WDR75: variants seen among roughly 807,000 people sequenced by gnomAD.
The protein encoded by WDR75 is WD repeat-containing protein 75.
A neutral mutation model predicts 106.1 loss-of-function variants in WDR75; 52 were observed. That is an observed-to-expected ratio of 0.49 (90% CI 0.39 to 0.62). WDR75 has a LOEUF of 0.62. Among genes scored for constraint, WDR75 ranks in the 20% least tolerant of loss-of-function variants. The pLI, the probability that WDR75 is intolerant of heterozygous loss-of-function variation, is 0.00. For synonymous variants in WDR75, 333 were observed against 335.5 expected, an observed-to-expected ratio of 0.99 and a Z score of 0.08; for missense variants, 905 against 970.3, an observed-to-expected ratio of 0.93 and a Z score of 0.89.
In WDR75 at chr2:189,462,526, A is replaced by T; in HGVS notation, c.821A>T (p.Glu274Val). 6.2e-7 allele frequency: 1 copy of T among 1,614,082 alleles called. No homozygotes were observed. Among genetic ancestry groups the T allele is most frequent in the Non-Finnish European group, 8.5e-7 (1 of 1,179,990 alleles). ...LSGGRESVLV[E>V]WRDATEKNKE... The stretch of plus-strand genomic sequence containing the variant: ...GGCGGTCGTGAATCTGTACTTGTAG[A>T]GTGGCGCGATGCAACAGAGAAGAAT... The change falls in exon 9 of 21, where the codon GAG becomes GTG. Residue 274 changes from glutamate to valine, a missense_variant. By Grantham distance (121) the Glu-to-Val change is moderately radical. Coordinates refer to ENST00000314761, the MANE Select transcript of WDR75 (RefSeq NM_032168.3).
Position 189,467,549 on chromosome 2 carries a change from G to A in WDR75, c.1529G>A (p.Gly510Asp). ...ACTAACTGTTGTTTCTCCGAAGATG[G>A]TTCTTTACTAGCAGTTAGTTTTGAG... is the stretch of plus-strand genomic sequence containing the variant. ...QATNCCFSED[G>D]SLLAVSFEEI... The change falls in exon 14 of 21, where the codon GGT becomes GAT. Residue 510 changes from glycine to aspartate, a missense_variant. Physicochemically the swap from Gly to Asp is moderately conservative, Grantham distance 94. Transcript: ENST00000314761. 1 of 1,611,660 alleles carries A rather than the reference G, an allele frequency of 6.2e-7. No individual in the cohort carries two copies. The highest frequency in any genetic ancestry group is 8.5e-7 in the Non-Finnish European group (1 of 1,178,704).
intron 18 of WDR75, among the ~76,000 whole-genome samples, chr2:189,472,186 A>T (rs751220487): frequency 2.1e-4 from 32 of 152,222 alleles, no homozygotes; most frequent in Admixed American, 1.1e-3. Context: ...AGAGACAGTA[A>T]ACAACATGCA....
Position 189,465,266 on chromosome 2 carries a change from T to C in WDR75, c.1289+12T>C, listed in dbSNP as rs750525962. ...AAGAAAACACAAGGGTAATACTATC[T>C]GTGTAGCCACTTAATTTCAAAGTAT... is the stretch of plus-strand genomic sequence containing the variant. On this transcript the variant is annotated intron_variant, in intron 12 of 20. Transcript: ENST00000314761. The C allele has an allele frequency of 2.9e-5, 46 of 1,572,596 alleles. No individual in the cohort carries two copies. The highest frequency in any genetic ancestry group is 9.4e-5 in the Admixed American group (5 of 53,172).
intron 11 of WDR75, 22 bp downstream of exon 11, chr2:189,463,983 T>G (rs1405982654): frequency 1.3e-6 from 2 of 1,596,764 alleles, no homozygotes; most frequent in Non-Finnish European, 1.7e-6. Context: ...ATCATTAGCC[T>G]TGAAATTAAT....
At chr2:189,449,985 A>T in intron 2 of WDR75, 1 of 985,348 alleles carries the variant, frequency 1.0e-6, no homozygotes, top group African/African-American at 1.7e-5. Flanking sequence ...TATTAATAAA[A>T]CTAAGTACAC....
At chr2:189,464,142 C>A (rs1443758960) in intron 11 of WDR75, 181 bp downstream of exon 11, 4 of 604,598 alleles carry the variant, frequency 6.6e-6, no homozygotes, top group Non-Finnish European at 1.1e-5. Flanking sequence ...GCCACAGTTG[C>A]AGGTTACATG....
Position 189,458,735 on chromosome 2 carries a change from G to A in WDR75, c.570-18G>A. 1 of 1,391,972 alleles carries A rather than the reference G, an allele frequency of 7.2e-7. No individual in the cohort carries two copies. The highest frequency in any genetic ancestry group is 9.6e-7 in the Non-Finnish European group (1 of 1,038,390). 86.2% of individuals were successfully genotyped at this position (1,391,972 alleles called of 1,614,324 possible). On this transcript the variant is annotated intron_variant, in intron 6 of 20. Transcript: ENST00000314761. ...GAGACTTTAATAATTAAGGGAATTT[G>A]TTTTTTTTTTCTCCTAGGTTTACTT...
At chr2:189,443,474 T>G (rs1421552133) in intron 1 of WDR75, among the ~76,000 whole-genome samples, 3 of 152,214 alleles carry the variant, frequency 2.0e-5, no homozygotes, top group Non-Finnish European at 4.4e-5. Context: ...GAGAATGGTT[T>G]TTTAATTCTT....
chr2:189,462,442 C>A, intron 8 of WDR75, 42 bp from the exon 9 acceptor site: 2 of 1,582,674 alleles, frequency 1.3e-6, no homozygotes, highest in Non-Finnish European at 8.6e-7. Context: ...CTCTTTTTTC[C>A]TCAAAACACC....
At chr2:189,448,970 T>C in intron 2 of WDR75, 1 of 428,516 alleles carries the variant, frequency 2.3e-6, no homozygotes, top group South Asian at 1.8e-5. Context: ...TCTGGCTTAC[T>C]CTAGATATTG....
At chr2:189,462,385 T>G in intron 8 of WDR75, 99 bp from the exon 9 acceptor site, 1 of 1,308,390 alleles carries the variant, frequency 7.6e-7, no homozygotes, top group Non-Finnish European at 1.1e-6. Flanking sequence ...TGAGTTTATT[T>G]CTCTAGTACG....
intron 19 of WDR75, 110 bp downstream of exon 19, chr2:189,474,442 C>A: frequency 7.9e-7 from 1 of 1,266,376 alleles, no homozygotes; most frequent in Non-Finnish European, 1.1e-6. Context: ...ACTTTAATAC[C>A]CAAACTAAAT....
chr2:189,459,502 G>C (rs1218880555), intron 8 of WDR75, 78 bp downstream of exon 8: 4 of 1,395,240 alleles, frequency 2.9e-6, no homozygotes, highest in Non-Finnish European at 4.0e-6. Flanking sequence ...TTTTTAGTTT[G>C]GAAGATTTAA....
intron 8 of WDR75, among the ~76,000 whole-genome samples, chr2:189,461,057 T>G (rs1686871910): frequency 6.9e-6 from 1 of 145,252 alleles, no homozygotes; most frequent in African/African-American, 2.9e-5. Context: ...CAGATTAAAC[T>G]TCTTAATTTT....
rs1686543429 is a variant in WDR75 at position 189,448,362 on chromosome 2, C to CAA, written c.87-17_87-16insAA. 6.2e-7 allele frequency: 1 copy of CAA among 1,607,430 alleles called. No individual in the cohort carries two copies. Among genetic ancestry groups the CAA allele is most frequent in the Admixed American group, 1.7e-5 (1 of 58,866 alleles). On this transcript the variant is annotated splice_polypyrimidine_tract_variant and intron_variant, in intron 1 of 20. Transcript: ENST00000314761. ...AATACAGTATGTAAAACTTACTTTT[C>CAA]TTTCTTTTTTTTCCAGGTATATCTT...
intron 8 of WDR75, among the ~76,000 whole-genome samples, chr2:189,461,177 A>G (rs1686873699): frequency 6.6e-6 from 1 of 152,254 alleles, no homozygotes; most frequent in Non-Finnish European, 1.5e-5. Context: ...AGTGATCTTT[A>G]AAACCAGTTG....
At chr2:189,452,488 G>C (rs1236711038) in intron 4 of WDR75, among the ~76,000 whole-genome samples, 1 of 151,432 alleles carries the variant, frequency 6.6e-6, no homozygotes, top group East Asian at 1.9e-4. Flanking sequence ...CGTGAATCCA[G>C]AAGGTGGAGC....
rs778140398 is a variant in WDR75, at chr2:189,462,636, G to C, written c.931G>C (p.Asp311His). The C allele has an allele frequency of 1.2e-6, 2 of 1,613,156 alleles. No individual in the cohort carries two copies. Among genetic ancestry groups the C allele is most frequent in the Non-Finnish European group, 1.7e-6 (2 of 1,179,598 alleles). Residue 311 changes from aspartate to histidine, a missense_variant, in exon 9 of 21, where the codon GAT becomes CAT. Physicochemically the swap from Asp to His is moderately conservative, Grantham distance 81. Coordinates refer to ENST00000314761, the MANE Select transcript of WDR75 (RefSeq NM_032168.3). ...AGDLFCTSHS[D>H]NKIIIIHRNL... ...AGATTTATTCTGCACTTCTCACTCT[G>C]ATAATAGTAAGTCTAAATTTTTTAT...
At position 189,458,747 on chromosome 2, in the gene WDR75, TC is replaced by T. The variant is rs777966939; in HGVS notation, c.570-4del. 1.3e-6 allele frequency: 2 copies of T among 1,544,902 alleles called. No individual in the cohort carries two copies. The highest frequency in any genetic ancestry group is 4.7e-5 in the East Asian group (2 of 42,228). ...ATTAAGGGAATTTGTTTTTTTTTTC[TC>T]CTAGGTTTACTTTATCATCATCAAG... On this transcript the variant is annotated splice_region_variant and splice_polypyrimidine_tract_variant and intron_variant, in intron 6 of 20. Coordinates refer to ENST00000314761, the MANE Select transcript of WDR75 (RefSeq NM_032168.3).
Sources: allele counts gnomAD v4.1 joint callset (sites outside exome capture counted in the v4.1 genomes callset), GRCh38; gene constraint gnomAD v4.1.1; transcripts MANE v1.5; gene names NCBI Gene and HGNC (gene_info 2026-07-23, HGNC 2026-07-21).